DSCAM: variants seen among roughly 807,000 people sequenced by gnomAD.
DSCAM encodes the protein DS cell adhesion molecule.
A neutral mutation model predicts 217.7 loss-of-function variants in DSCAM; 47 were observed. The observed-to-expected ratio is 0.22, with a 90% CI of 0.17 to 0.28. DSCAM has a LOEUF of 0.28. Ranked by LOEUF, DSCAM falls within the 10% of genes least tolerant of loss-of-function variation. The pLI is 1.00. For synonymous variants in DSCAM, 1,056 were observed against 1,015.3 expected (o/e 1.04, Z -0.76); for missense variants, 2,080 against 2,618.3 (o/e 0.79, Z 4.49).
At chr21:40,706,737 T>C (rs976860494) in intron 2 of DSCAM, among the ~76,000 whole-genome samples, 4 of 152,194 alleles carry the variant, frequency 2.6e-5, no homozygotes, top group African/African-American at 9.6e-5. Context: ...ATAAACAGGA[T>C]GAAAAAAGAT....
intron 8 of DSCAM, among the ~76,000 whole-genome samples, chr21:40,329,637 T>C (rs1288625797): frequency 2.0e-5 from 3 of 148,156 alleles, no homozygotes; most frequent in African/African-American, 7.4e-5. Flanking sequence ...AATAAATAAA[T>C]AAATAAATAA....
chr21:40,437,877 G>A (rs2075597716), intron 3 of DSCAM, among the ~76,000 whole-genome samples: 1 of 152,132 alleles, frequency 6.6e-6, no homozygotes. Context: ...AAAAGAAGAA[G>A]AGCCAGAACT....
chr21:40,420,254 T>C (rs971004804), intron 3 of DSCAM, among the ~76,000 whole-genome samples: 2 of 152,174 alleles, frequency 1.3e-5, no homozygotes, highest in Non-Finnish European at 2.9e-5. Context: ...TATAGATATA[T>C]GTGAAAGACT....
At chr21:40,126,935 C>T (rs1038141418) in intron 19 of DSCAM, among the ~76,000 whole-genome samples, 2 of 152,222 alleles carry the variant, frequency 1.3e-5, no homozygotes, top group African/African-American at 4.8e-5. Flanking sequence ...AGAGCTAGAA[C>T]TTAACATTTT....
intron 1 of DSCAM, among the ~76,000 whole-genome samples, chr21:40,760,185 A>C (rs1284186883): frequency 6.6e-6 from 1 of 151,302 alleles, no homozygotes; most frequent in East Asian, 1.9e-4. Context: ...TTTCATTTTT[A>C]TTGTTTTTAG....
At chr21:40,059,079 C>A (rs959913035) in intron 28 of DSCAM, among the ~76,000 whole-genome samples, 2 of 152,208 alleles carry the variant, frequency 1.3e-5, no homozygotes, top group East Asian at 1.9e-4. Flanking sequence ...CTTAATAGTC[C>A]ATCATCCTCC....
intron 9 of DSCAM, among the ~76,000 whole-genome samples, chr21:40,307,311 A>C (rs1237068164): frequency 6.6e-6 from 1 of 152,328 alleles, no homozygotes; most frequent in African/African-American, 2.4e-5. Flanking sequence ...ACATTTATGC[A>C]GCCAAAAAAC....
At chr21:40,786,056 G>C (rs35074203) in intron 1 of DSCAM, among the ~76,000 whole-genome samples, 32,128 of 152,038 alleles carry the variant, frequency 0.21, 4,413 homozygotes, top group African/African-American at 0.4. Context: ...GACCAACATG[G>C]AGAAACCCTG....
chr21:40,651,756 C>T (rs755171789), intron 3 of DSCAM, among the ~76,000 whole-genome samples: 9 of 152,182 alleles, frequency 5.9e-5, no homozygotes, highest in Non-Finnish European at 1.2e-4. Flanking sequence ...TGGTTTTGTT[C>T]TGATGGATAT....
intron 1 of DSCAM, among the ~76,000 whole-genome samples, chr21:40,790,326 T>C (rs555601152): frequency 1.3e-5 from 2 of 151,986 alleles, no homozygotes; most frequent in Middle Eastern, 3.4e-3. Flanking sequence ...GGATTACAGG[T>C]GTGCTCCGTC....
chr21:40,309,435 T>C (rs1271260000), intron 9 of DSCAM, among the ~76,000 whole-genome samples: 1 of 152,156 alleles, frequency 6.6e-6, no homozygotes, highest in South Asian at 2.1e-4. Flanking sequence ...AGTGCCACAG[T>C]CCACTGGATT....
At chr21:40,677,539 A>T (rs1192385093) in intron 3 of DSCAM, among the ~76,000 whole-genome samples, 1 of 152,180 alleles carries the variant, frequency 6.6e-6, no homozygotes, top group Non-Finnish European at 1.5e-5. Context: ...CAACATGTCC[A>T]TGATCCCCCC....
chr21:40,367,379 C>T (rs2074844523), intron 4 of DSCAM, among the ~76,000 whole-genome samples: 1 of 152,146 alleles, frequency 6.6e-6, no homozygotes, highest in Non-Finnish European at 1.5e-5. Flanking sequence ...CTTTGTCATC[C>T]TATTTTATCT....
chr21:40,147,675 TA>T (rs1314760207), intron 16 of DSCAM, among the ~76,000 whole-genome samples: 1 of 151,316 alleles, frequency 6.6e-6, no homozygotes, highest in Non-Finnish European at 1.5e-5. Flanking sequence ...TCTATTTATC[TA>T]AAGTAAAGTG....
intron 3 of DSCAM, among the ~76,000 whole-genome samples, chr21:40,662,599 T>G (rs9636644): frequency 0.76 from 116,051 of 152,132 alleles, 47,484 homozygotes; most frequent in East Asian, 0.98. Flanking sequence ...AATGGAAGTG[T>G]TAGGGGCTGG....
chr21:40,219,390 A>G (rs2091271091), intron 11 of DSCAM, among the ~76,000 whole-genome samples: 1 of 152,192 alleles, frequency 6.6e-6, no homozygotes, highest in South Asian at 2.1e-4. Flanking sequence ...ACTGCCTCCT[A>G]TATTAAGAAA....
intron 16 of DSCAM, among the ~76,000 whole-genome samples, chr21:40,148,759 A>T (rs111837119): frequency 6.6e-6 from 1 of 151,946 alleles, no homozygotes; most frequent in East Asian, 1.9e-4. Context: ...CACCAGCTTC[A>T]TCTCTGTCAA....
rs116948216 is a variant in DSCAM at position 40,106,256 on chromosome 21, C to T, written c.3697-12382G>A. Among the ~76,000 whole-genome samples the T allele has an allele frequency of 1.1e-4, 16 of 152,230 alleles. No homozygotes were observed. In the South Asian group the frequency reaches 1.5e-3, roughly 14 times the overall value. ...CCCCCATGATTCAATTACCTTCCAC[C>T]GGGTCTTTCCCATGACACATGGAGA... is the stretch of plus-strand genomic sequence containing the variant. On this transcript the variant is annotated intron_variant, in intron 20 of 32. Coordinates refer to ENST00000400454, the MANE Select transcript of DSCAM (RefSeq NM_001389.5).
intron 11 of DSCAM, among the ~76,000 whole-genome samples, chr21:40,268,011 ATTCC>A (rs2073563916): frequency 6.6e-6 from 1 of 152,238 alleles, no homozygotes; most frequent in Non-Finnish European, 1.5e-5. Context: ...ACATATATAC[ATTCC>A]AGCAAACAGG....
Sources: gnomAD v4.1 joint callset for allele counts (sites outside exome capture counted in the v4.1 genomes callset) on GRCh38, gnomAD v4.1.1 for gene constraint, MANE v1.5 for transcripts, NCBI Gene and HGNC (gene_info 2026-07-23, HGNC 2026-07-21) for gene names.